The following NXN variants were observed in gnomAD, a reference collection of about 807,000 sequenced individuals.
NXN encodes nucleoredoxin 1.
NXN carries 16 observed loss-of-function variants against 48.6 expected under a neutral mutation model. That is an observed-to-expected ratio of 0.33 (90% CI 0.22 to 0.50). The LOEUF (loss-of-function observed/expected upper bound fraction) is 0.50. Among genes scored for constraint, NXN ranks in the 20% least tolerant of loss-of-function variants. The pLI is 0.98. For missense variants in NXN, 492 were observed against 605.5 expected (o/e 0.81, Z 1.97); for synonymous variants, 281 against 269.6 (o/e 1.04, Z -0.41).
chr17:916,258 G>A (rs1291420251), intron 1 of NXN, among the ~76,000 whole-genome samples: 1 of 152,164 alleles, frequency 6.6e-6, no homozygotes, highest in Non-Finnish European at 1.5e-5. Context: ...AAGCCACAAG[G>A]AGTGAGGTGC....
intron 1 of NXN, among the ~76,000 whole-genome samples, chr17:851,566 G>A (rs577956890): frequency 5.1e-4 from 77 of 152,348 alleles, no homozygotes; most frequent in African/African-American, 1.8e-3. Context: ...ACCAGTGCTT[G>A]CCTCATAGGC....
chr17:948,693 C>T (rs989174425), intron 1 of NXN, among the ~76,000 whole-genome samples: 1 of 151,962 alleles, frequency 6.6e-6, no homozygotes, highest in African/African-American at 2.4e-5. Context: ...TGGGTCCCAA[C>T]GCGGGGCCTC....
At chr17:940,333 A>G (rs2068957269) in intron 1 of NXN, among the ~76,000 whole-genome samples, 1 of 151,640 alleles carries the variant, frequency 6.6e-6, no homozygotes, top group Non-Finnish European at 1.5e-5. Context: ...GGCTCAAGCT[A>G]TCTTCCCATC....
chr17:842,472 T>C (rs1914383895), intron 1 of NXN: 1 of 981,066 alleles, frequency 1.0e-6, no homozygotes, highest in Non-Finnish European at 1.2e-6. Context: ...GCCACGTGGG[T>C]TACTGGGGAG....
intron 5 of NXN, among the ~76,000 whole-genome samples, chr17:811,077 G>A (rs1911967106): frequency 6.6e-6 from 1 of 152,194 alleles, no homozygotes; most frequent in African/African-American, 2.4e-5. Flanking sequence ...AACGGGATGA[G>A]GAAGGAGGGA....
chr17:840,634 C>T (rs749297958), intron 1 of NXN, among the ~76,000 whole-genome samples: 22 of 151,512 alleles, frequency 1.5e-4, no homozygotes, highest in South Asian at 8.3e-4. Context: ...CCACCGCGCC[C>T]GGCCGGCGTG....
intron 1 of NXN, among the ~76,000 whole-genome samples, chr17:950,816 C>T (rs1048790675): frequency 6.6e-6 from 1 of 151,502 alleles, no homozygotes; most frequent in Non-Finnish European, 1.5e-5. Context: ...GGGAAAGAGT[C>T]GGACGAAATG....
At chr17:871,328 A>AT (rs2068151274) in intron 1 of NXN, among the ~76,000 whole-genome samples, 1 of 150,760 alleles carries the variant, frequency 6.6e-6, no homozygotes. Flanking sequence ...CAAGTAATTG[A>AT]TTCCTAATAT....
chr17:872,302 G>A (rs2068163835), intron 1 of NXN, among the ~76,000 whole-genome samples: 1 of 139,308 alleles, frequency 7.2e-6, no homozygotes, highest in African/African-American at 2.6e-5. Context: ...GTCAATCAAA[G>A]ACTAGGAGAG....
intron 5 of NXN, among the ~76,000 whole-genome samples, chr17:815,007 C>G (rs1912389331): frequency 6.6e-6 from 1 of 152,216 alleles, no homozygotes; most frequent in South Asian, 2.1e-4. Flanking sequence ...CTCAGGTGAT[C>G]CACCCACCTC....
At chr17:952,000 G>A (rs539635365) in intron 1 of NXN, among the ~76,000 whole-genome samples, 9 of 152,286 alleles carry the variant, frequency 5.9e-5, no homozygotes, top group Admixed American at 2.6e-4. Flanking sequence ...ATTCTCCACG[G>A]TCAGCCATCC....
intron 1 of NXN, among the ~76,000 whole-genome samples, chr17:969,972 C>G (rs560375955): frequency 1.3e-5 from 2 of 152,236 alleles, no homozygotes; most frequent in East Asian, 3.9e-4. Context: ...CTGAGACACC[C>G]TGGGGAGCAG....
At chr17:855,675 T>C (rs942887595) in intron 1 of NXN, among the ~76,000 whole-genome samples, 1 of 152,166 alleles carries the variant, frequency 6.6e-6, no homozygotes, top group Non-Finnish European at 1.5e-5. Flanking sequence ...TACCCACAAA[T>C]GTTTAGCTCT....
At chr17:852,549 C>A (rs2067935245) in intron 1 of NXN, among the ~76,000 whole-genome samples, 1 of 152,212 alleles carries the variant, frequency 6.6e-6, no homozygotes, top group South Asian at 2.1e-4. Context: ...CCCAACACTT[C>A]CTTTCCTTTC....
rs192705095 is a variant in NXN at position 824,490 on chromosome 17, G to A, written c.479-725C>T. Among the ~76,000 whole-genome samples the A allele has an allele frequency of 3.9e-5, 6 of 152,292 alleles. No individual in the cohort carries two copies. In the East Asian group the frequency reaches 1.2e-3, roughly 29 times the overall value. ...TCGGTTTGGGAATCATCGCCTCGGG[G>A]CCTCGGGAATCAACCCGATACCCGG... On this transcript the variant is annotated intron_variant, in intron 2 of 7. Transcript: ENST00000336868.
At chr17:921,457 G>A (rs1211940147) in intron 1 of NXN, among the ~76,000 whole-genome samples, 1 of 151,986 alleles carries the variant, frequency 6.6e-6, no homozygotes, top group East Asian at 1.9e-4. Context: ...AACGCTTCCC[G>A]CACCTCTCCT....
chr17:912,334 T>C (rs1457718200), intron 1 of NXN, among the ~76,000 whole-genome samples: 4 of 152,038 alleles, frequency 2.6e-5, no homozygotes, highest in Non-Finnish European at 4.4e-5. Flanking sequence ...GTCAACCGTA[T>C]TTGTAAGATC....
intron 1 of NXN, among the ~76,000 whole-genome samples, chr17:868,480 G>T (rs368464373): frequency 2.5e-4 from 38 of 149,334 alleles, no homozygotes; most frequent in Non-Finnish European, 3.4e-4. Flanking sequence ...TTTTTTTTTT[G>T]GTTTTTTGTT....
chr17:806,715 G>C (rs908958486), intron 5 of NXN, among the ~76,000 whole-genome samples: 2 of 152,148 alleles, frequency 1.3e-5, no homozygotes, highest in African/African-American at 4.8e-5. Flanking sequence ...CTTCCCTGTC[G>C]GGGGGATGCC....
Sources: allele counts gnomAD v4.1 joint callset (sites outside exome capture counted in the v4.1 genomes callset), GRCh38; gene constraint gnomAD v4.1.1; transcripts MANE v1.5; gene names NCBI Gene and HGNC (gene_info 2026-07-23, HGNC 2026-07-21).